ITSN1: variants seen among roughly 807,000 people sequenced by gnomAD.
The protein encoded by ITSN1 is intersectin-1.
Under a neutral mutation model 239.8 loss-of-function variants are expected in ITSN1, and 58 were observed. The ratio of observed to expected loss-of-function variants is 0.24; its 90% CI spans 0.20 to 0.30. The LOEUF (loss-of-function observed/expected upper bound fraction) is 0.30. Among genes scored for constraint, ITSN1 ranks in the 10% least tolerant of loss-of-function variants. The probability of loss-of-function intolerance (pLI) is 1.00; values close to 1 mark genes in which losing one functional copy is unlikely to be tolerated. For synonymous variants in ITSN1, 780 were observed against 770.8 expected, an observed-to-expected ratio of 1.01 and a Z score of -0.20; for missense variants, 1,558 against 2,103.3, an observed-to-expected ratio of 0.74 and a Z score of 5.07.
At chr21:33,824,231 A>G (rs1403864622) in intron 25 of ITSN1, among the ~76,000 whole-genome samples, 1 of 152,120 alleles carries the variant, frequency 6.6e-6, no homozygotes, top group African/African-American at 2.4e-5. Context: ...AAGTGCTCTC[A>G]CTGTTGTTAA....
intron 27 of ITSN1, among the ~76,000 whole-genome samples, chr21:33,834,048 A>G (rs1032023716): frequency 1.3e-5 from 2 of 152,162 alleles, no homozygotes; most frequent in African/African-American, 4.8e-5. Context: ...CAGGCAATCC[A>G]TGGTATATCT....
intron 1 of ITSN1, among the ~76,000 whole-genome samples, chr21:33,692,955 C>T (rs979862594): frequency 3.9e-5 from 6 of 151,926 alleles, no homozygotes; most frequent in Admixed American, 2.0e-4. Flanking sequence ...TGCCACCATG[C>T]CAGGCTGATT....
intron 20 of ITSN1, among the ~76,000 whole-genome samples, chr21:33,802,671 T>C (rs533538708): frequency 2.6e-5 from 4 of 152,354 alleles, no homozygotes. Flanking sequence ...AGGACTAACT[T>C]GAATGCTCTG....
chr21:33,703,149 TATAA>T (rs1021558101), intron 1 of ITSN1, among the ~76,000 whole-genome samples: 6 of 150,154 alleles, frequency 4.0e-5, no homozygotes, highest in Middle Eastern at 3.5e-3. Context: ...ATTGTATATA[TATAA>T]AGAAAGAATA....
chr21:33,822,328 AC>A (rs1300387189), intron 24 of ITSN1, among the ~76,000 whole-genome samples: 1 of 152,268 alleles, frequency 6.6e-6, no homozygotes, highest in Non-Finnish European at 1.5e-5. Context: ...CTCTTACTCA[AC>A]ACGAGGCTCG....
chr21:33,656,715 G>T (rs1050806423), intron 1 of ITSN1, among the ~76,000 whole-genome samples: 13 of 151,958 alleles, frequency 8.6e-5, no homozygotes, highest in African/African-American at 3.1e-4. Flanking sequence ...TTATTTATTT[G>T]TTTATTTATT....
chr21:33,657,731 A>T (rs1219443316), intron 1 of ITSN1, among the ~76,000 whole-genome samples: 1 of 152,188 alleles, frequency 6.6e-6, no homozygotes, highest in Non-Finnish European at 1.5e-5. Flanking sequence ...CTTGCCTGTA[A>T]TCCCAGCACT....
intron 4 of ITSN1, among the ~76,000 whole-genome samples, chr21:33,724,743 A>T (rs372883227): frequency 6.6e-6 from 1 of 152,234 alleles, no homozygotes; most frequent in South Asian, 2.1e-4. Flanking sequence ...GGAGGGAGAC[A>T]ATAACAACAC....
At chr21:33,649,269 G>C (rs2088280674) in intron 1 of ITSN1, among the ~76,000 whole-genome samples, 1 of 152,186 alleles carries the variant, frequency 6.6e-6, no homozygotes, top group Non-Finnish European at 1.5e-5. Flanking sequence ...GAATGTGAAG[G>C]CCTCAGTGTA....
intron 25 of ITSN1, 139 bp downstream of exon 25, chr21:33,823,792 T>C: frequency 1.3e-6 from 1 of 779,756 alleles, no homozygotes; most frequent in Non-Finnish European, 2.1e-6. Flanking sequence ...GACCTGTCAT[T>C]GTTTGATCTT....
At chr21:33,781,005 C>A (rs1475656078) in intron 14 of ITSN1, among the ~76,000 whole-genome samples, 1 of 152,200 alleles carries the variant, frequency 6.6e-6, no homozygotes, top group African/African-American at 2.4e-5. Flanking sequence ...TTTCTAACTT[C>A]AGGTATACGG....
chr21:33,773,770 C>T (rs2069371299), intron 12 of ITSN1, among the ~76,000 whole-genome samples: 1 of 152,014 alleles, frequency 6.6e-6, no homozygotes, highest in Admixed American at 6.5e-5. Flanking sequence ...GCCTTCACCT[C>T]CTGGGTTCAA....
intron 1 of ITSN1, among the ~76,000 whole-genome samples, chr21:33,657,886 T>C (rs184279576): frequency 1.3e-5 from 2 of 152,292 alleles, no homozygotes; most frequent in Admixed American, 6.5e-5. Flanking sequence ...CTAGGGAGGC[T>C]GAGGCAGGAG....
chr21:33,717,642 A>G (rs1325249227), intron 1 of ITSN1, among the ~76,000 whole-genome samples: 61 of 151,898 alleles, frequency 4.0e-4, no homozygotes, highest in Non-Finnish European at 2.5e-4. Flanking sequence ...TGCAAGCTCC[A>G]TCTCCTGGGT....
At chr21:33,722,980 ATTTCT>A (rs1360146095) in intron 4 of ITSN1, among the ~76,000 whole-genome samples, 1 of 152,192 alleles carries the variant, frequency 6.6e-6, no homozygotes, top group Non-Finnish European at 1.5e-5. Flanking sequence ...AATGTCCCAC[ATTTCT>A]TGCTTTATAA....
At position 33,836,631 on chromosome 21, in the gene ITSN1, A is replaced by C. The variant is rs2074617867; in HGVS notation, c.3660A>C (p.Gln1220His). ...KLTTDMDPSQ[Q>H]WCSDLHLLDM... ...CCACAGACATGGACCCAAGCCAGCA[A>C]TGTAAGTGCCCTGGTGGCTCTGTCG... The change falls in exon 29 of 40, where the codon CAA becomes CAC. Residue 1220 changes from glutamine (Q) to histidine (H), a missense_variant and splice_region_variant. Physicochemically the swap from Gln to His is conservative, Grantham distance 24. Around this residue, in one of 2 missense-constraint regions of ITSN1, gnomAD observed 576 missense variants for 893.3 expected, o/e 0.64. Transcript: ENST00000381318. 3 of 1,613,036 alleles carry C rather than the reference A, an allele frequency of 1.9e-6. No homozygotes were observed. Among genetic ancestry groups the C allele is most frequent in the Non-Finnish European group, 2.5e-6 (3 of 1,179,272 alleles).
intron 8 of ITSN1, among the ~76,000 whole-genome samples, chr21:33,757,547 A>T (rs1205722710): frequency 1.3e-5 from 2 of 151,944 alleles, no homozygotes; most frequent in African/African-American, 2.4e-5. Flanking sequence ...TAGAAATTTA[A>T]TTTTTTTTCC....
intron 1 of ITSN1, 47 bp from the exon 2 acceptor site, chr21:33,718,750 C>A: frequency 8.2e-7 from 1 of 1,219,952 alleles, no homozygotes; most frequent in Admixed American, 1.7e-5. Context: ...TATGATTATA[C>A]AGGAATTAAG....
At chr21:33,850,864 G>C (rs552964801) in intron 29 of ITSN1, among the ~76,000 whole-genome samples, 70 of 152,302 alleles carry the variant, frequency 4.6e-4, no homozygotes, top group East Asian at 1.7e-3. Context: ...AGCCAGTGCA[G>C]CTCTGGGGTG....
Sources: gnomAD v4.1 joint callset for allele counts (sites outside exome capture counted in the v4.1 genomes callset) on GRCh38, gnomAD v4.1.1 for gene constraint, gnomAD v4.1.1 regional missense constraint, MANE v1.5 for transcripts, NCBI Gene and HGNC (gene_info 2026-07-23, HGNC 2026-07-21) for gene names.